The following COMMD10 variants were observed in gnomAD, a reference collection of about 807,000 sequenced individuals.
COMMD10 encodes the protein COMM domain-containing protein 10.
A neutral mutation model predicts 28.9 loss-of-function variants in COMMD10; 33 were observed. That is an observed-to-expected ratio of 1.14 (90% confidence interval 0.87 to 1.53). The LOEUF (loss-of-function observed/expected upper bound fraction) is 1.53. Among genes scored for constraint, COMMD10 ranks in the 40% most tolerant of loss-of-function variants. The pLI, the probability that COMMD10 is intolerant of heterozygous loss-of-function variation, is 0.00. For missense variants in COMMD10, 310 were observed against 233.4 expected (o/e 1.33, Z -2.14); for synonymous variants, 110 against 81.7 (o/e 1.35, Z -1.87).
intron 5 of COMMD10, among the ~76,000 whole-genome samples, chr5:116,198,341 T>C (rs1748582673): frequency 6.6e-6 from 1 of 152,208 alleles, no homozygotes; most frequent in Non-Finnish European, 1.5e-5. Context: ...AGAATGACCA[T>C]ACCTTATTTA....
At chr5:116,100,518 CTTTT>C (rs768113794) in intron 4 of COMMD10, among the ~76,000 whole-genome samples, 3 of 132,856 alleles carry the variant, frequency 2.3e-5, no homozygotes, top group Non-Finnish European at 3.3e-5. Flanking sequence ...GGTCCAGTTC[CTTTT>C]TTTTTTTTTT....
intron 5 of COMMD10, among the ~76,000 whole-genome samples, chr5:116,158,166 T>TC (rs1402035886): frequency 1.1e-4 from 5 of 47,430 alleles, no homozygotes; most frequent in African/African-American, 2.1e-4. Context: ...CCCTCCCTCC[T>TC]CTCCCTCCGT....
intron 5 of COMMD10, among the ~76,000 whole-genome samples, chr5:116,251,941 C>G (rs1283535331): frequency 2.0e-5 from 3 of 149,278 alleles, no homozygotes; most frequent in Admixed American, 6.6e-5. Context: ...TTCTCCACAT[C>G]CTCTCCAGCA....
intron 5 of COMMD10, among the ~76,000 whole-genome samples, chr5:116,252,031 G>A (rs1750132752): frequency 6.8e-6 from 1 of 147,842 alleles, no homozygotes; most frequent in South Asian, 2.1e-4. Context: ...GTTTTGATTT[G>A]CATTTGTCTG....
At chr5:116,200,930 C>CT (rs1428787372) in intron 5 of COMMD10, among the ~76,000 whole-genome samples, 5 of 152,124 alleles carry the variant, frequency 3.3e-5, no homozygotes, top group African/African-American at 1.2e-4. Flanking sequence ...TCTTCAAACT[C>CT]TGTGTTTTTA....
intron 5 of COMMD10, among the ~76,000 whole-genome samples, chr5:116,193,495 A>C (rs1374179077): frequency 3.3e-5 from 5 of 152,222 alleles, no homozygotes; most frequent in Admixed American, 1.3e-4. Context: ...ATTTCATGCA[A>C]ATGGACACCA....
At chr5:116,137,740 CTGTT>C (rs1006956273) in intron 5 of COMMD10, among the ~76,000 whole-genome samples, 12 of 152,126 alleles carry the variant, frequency 7.9e-5, no homozygotes, top group Admixed American at 6.6e-5. Flanking sequence ...CTGGATAACA[CTGTT>C]TGACTGTGGT....
At chr5:116,095,555 G>A (rs371077878) in intron 4 of COMMD10, among the ~76,000 whole-genome samples, 2 of 152,012 alleles carry the variant, frequency 1.3e-5, no homozygotes, top group Non-Finnish European at 2.9e-5. Flanking sequence ...TGATTTGCAC[G>A]TATTTTCTCC....
intron 5 of COMMD10, among the ~76,000 whole-genome samples, chr5:116,225,587 T>C (rs966614193): frequency 2.0e-5 from 3 of 152,100 alleles, no homozygotes; most frequent in Admixed American, 1.3e-4. Flanking sequence ...GTCCCCCTTG[T>C]ATATGCACAG....
At chr5:116,098,543 T>A (rs1750541583) in intron 4 of COMMD10, among the ~76,000 whole-genome samples, 1 of 152,240 alleles carries the variant, frequency 6.6e-6, no homozygotes, top group African/African-American at 2.4e-5. Context: ...AGAAATGATG[T>A]GTTGTCATTG....
chr5:116,164,479 G>GTC (rs1753027280), intron 5 of COMMD10, among the ~76,000 whole-genome samples: 1 of 152,160 alleles, frequency 6.6e-6, no homozygotes, highest in Non-Finnish European at 1.5e-5. Context: ...GTTTAGAGAA[G>GTC]TCTTCTCAGT....
At chr5:116,267,836 C>G (rs1161855382) in intron 5 of COMMD10, among the ~76,000 whole-genome samples, 1 of 151,846 alleles carries the variant, frequency 6.6e-6, no homozygotes, top group African/African-American at 2.4e-5. Flanking sequence ...CTGAGAAAAA[C>G]AAGCAATGGG....
chr5:116,159,271 CTG>C, intron 5 of COMMD10, among the ~76,000 whole-genome samples: 1 of 152,328 alleles, frequency 6.6e-6, no homozygotes. Flanking sequence ...CCCCTCCACT[CTG>C]TTATGACCAT....
chr5:116,142,069 A>G (rs113535553), intron 5 of COMMD10, among the ~76,000 whole-genome samples: 4,051 of 151,934 alleles, frequency 0.027, 63 homozygotes, highest in Non-Finnish European at 0.041. Flanking sequence ...AAAACTGTTA[A>G]ACTTACCACA....
intron 5 of COMMD10, among the ~76,000 whole-genome samples, chr5:116,191,439 G>T (rs948955997): frequency 4.0e-5 from 6 of 151,864 alleles, no homozygotes; most frequent in African/African-American, 1.5e-4. Flanking sequence ...AAACAGACTT[G>T]GGGCTCTTGT....
Position 116,149,805 on chromosome 5 carries a change from T to C in COMMD10, c.510+15627T>C, listed in dbSNP as rs1293971051. On this transcript the variant is annotated intron_variant, in intron 5 of 6. Transcript: ENST00000274458. Reference sequence around the variant, plus strand: ...CGAAAATTTTCTCCCATTTTGTAGGTTGCCTGTTCACTCTGATGGTAGTTT... The same window carrying C: ...CGAAAATTTTCTCCCATTTTGTAGGCTGCCTGTTCACTCTGATGGTAGTTT... 9.0e-5 allele frequency among the ~76,000 whole-genome samples: 13 copies of C among 145,210 alleles called. 1 individual carries two copies. Among genetic ancestry groups the C allele is most frequent in the South Asian group, 4.6e-4 (2 of 4,340 alleles).
At chr5:116,112,564 C>CTT (rs1751086981) in intron 4 of COMMD10, among the ~76,000 whole-genome samples, 1 of 152,068 alleles carries the variant, frequency 6.6e-6, no homozygotes, top group African/African-American at 2.4e-5. Context: ...CCATGCACAG[C>CTT]TAATTTTTGT....
At chr5:116,127,259 T>G (rs1457975046) in intron 4 of COMMD10, among the ~76,000 whole-genome samples, 2 of 152,092 alleles carry the variant, frequency 1.3e-5, no homozygotes, top group African/African-American at 2.4e-5. Flanking sequence ...TGGCGATCAT[T>G]AAAAAGTCAG....
At chr5:116,090,708 G>A (rs1427407637) in intron 2 of COMMD10, among the ~76,000 whole-genome samples, 1 of 152,128 alleles carries the variant, frequency 6.6e-6, no homozygotes, top group African/African-American at 2.4e-5. Context: ...TGAAATGGGA[G>A]AATTATGAAA....
Sources: allele counts gnomAD v4.1 joint callset (sites outside exome capture counted in the v4.1 genomes callset), GRCh38; gene constraint gnomAD v4.1.1; transcripts MANE v1.5; gene names NCBI Gene and HGNC (gene_info 2026-07-23, HGNC 2026-07-21).